Variants in CADM1 observed in about 807,000 individuals in gnomAD.
CADM1 encodes cell adhesion molecule 1, also known as TSLC-1.
In CADM1, 15 loss-of-function variants were observed where a neutral mutation model predicts 53.1. The observed-to-expected ratio is 0.28, with a 90% CI of 0.19 to 0.44. The LOEUF (loss-of-function observed/expected upper bound fraction) is 0.44. Among genes scored for constraint, CADM1 ranks in the 20% least tolerant of loss-of-function variants. The pLI is 1.00. For synonymous variants in CADM1, 281 were observed against 243.0 expected (o/e 1.16, Z -1.45); for missense variants, 434 against 611.3 (o/e 0.71, Z 3.06).
At chr11:115,180,422 G>C (rs1161415092) in intron 10 of CADM1, among the ~76,000 whole-genome samples, 1 of 152,168 alleles carries the variant, frequency 6.6e-6, no homozygotes, top group African/African-American at 2.4e-5. Flanking sequence ...AATTGGAGAA[G>C]GGAGCTGGGT....
At chr11:115,284,114 C>CTCTCTCTCTCTCTCTCTCTCTG (rs1351842329) in intron 1 of CADM1, among the ~76,000 whole-genome samples, 141 of 98,662 alleles carry the variant, frequency 1.4e-3, no homozygotes, top group Middle Eastern at 5.9e-3. Flanking sequence ...CTCTCTCTCT[C>CTCTCTCTCTCTCTCTCTCTCTG]TGTGTGTGTG....
chr11:115,230,517 GAATCTC>G (rs890939431), intron 4 of CADM1, among the ~76,000 whole-genome samples: 3 of 152,172 alleles, frequency 2.0e-5, no homozygotes, highest in African/African-American at 7.2e-5. Context: ...GAAAAGGAAG[GAATCTC>G]AATGCAGAAA....
chr11:115,337,138 A>T (rs1565372656), intron 1 of CADM1, among the ~76,000 whole-genome samples: 2 of 152,174 alleles, frequency 1.3e-5, no homozygotes, highest in Non-Finnish European at 2.9e-5. Context: ...GAGTCCAAAG[A>T]TGAAATTCTT....
At chr11:115,412,949 G>A (rs1217552224) in intron 1 of CADM1, among the ~76,000 whole-genome samples, 2 of 152,114 alleles carry the variant, frequency 1.3e-5, no homozygotes, top group Non-Finnish European at 2.9e-5. Flanking sequence ...CCTAAAACCT[G>A]AAGCAAGTAA....
chr11:115,226,964 A>G (rs1941632789), intron 5 of CADM1, among the ~76,000 whole-genome samples: 2 of 152,222 alleles, frequency 1.3e-5, no homozygotes, highest in South Asian at 4.1e-4. Context: ...TAAGATATCA[A>G]ACCAGATGCG....
intron 9 of CADM1, among the ~76,000 whole-genome samples, chr11:115,195,477 G>C (rs893956783): frequency 1.3e-5 from 2 of 152,100 alleles, no homozygotes; most frequent in Non-Finnish European, 2.9e-5. Flanking sequence ...AAACTTTTAA[G>C]ACCAAATAAG....
chr11:115,293,985 CTT>C (rs1311087722), intron 1 of CADM1, among the ~76,000 whole-genome samples: 1 of 152,130 alleles, frequency 6.6e-6, no homozygotes, highest in Non-Finnish European at 1.5e-5. Flanking sequence ...AACAACATAT[CTT>C]AAGTTATTTC....
chr11:115,250,116 G>T (rs1413256240), intron 1 of CADM1, among the ~76,000 whole-genome samples: 1 of 152,086 alleles, frequency 6.6e-6, no homozygotes, highest in Non-Finnish European at 1.5e-5. Flanking sequence ...TGTTAGCCAG[G>T]ATGGTCTCGA....
chr11:115,283,089 G>A (rs1297845990), intron 1 of CADM1, among the ~76,000 whole-genome samples: 1 of 152,088 alleles, frequency 6.6e-6, no homozygotes, highest in Non-Finnish European at 1.5e-5. Flanking sequence ...TGCATTATGA[G>A]AACAAAACAA....
intron 1 of CADM1, among the ~76,000 whole-genome samples, chr11:115,437,166 T>C (rs982325446): frequency 3.3e-5 from 5 of 152,320 alleles, no homozygotes; most frequent in Middle Eastern, 3.4e-3. Flanking sequence ...CTTAGAGATA[T>C]TTCTACTACA....
chr11:115,177,040 A>G (rs1171448299), intron 11 of CADM1, among the ~76,000 whole-genome samples: 1 of 152,192 alleles, frequency 6.6e-6, no homozygotes, highest in Non-Finnish European at 1.5e-5. Context: ...TTGTCACCTC[A>G]GCTCATTTAT....
At chr11:115,210,900 A>G (rs1397077833) in intron 7 of CADM1, among the ~76,000 whole-genome samples, 1 of 152,216 alleles carries the variant, frequency 6.6e-6, no homozygotes. Flanking sequence ...CTTCTCTCAC[A>G]CAAACACACT....
intron 1 of CADM1, among the ~76,000 whole-genome samples, chr11:115,273,795 TCAA>T (rs1943369747): frequency 6.6e-6 from 1 of 152,184 alleles, no homozygotes. Context: ...TATAAACTCA[TCAA>T]CATTTATCAA....
At chr11:115,384,726 T>A (rs752440853) in intron 1 of CADM1, among the ~76,000 whole-genome samples, 2 of 152,208 alleles carry the variant, frequency 1.3e-5, no homozygotes, top group Non-Finnish European at 2.9e-5. Context: ...TTCTATCAAG[T>A]ATGACTAACA....
In CADM1 at chr11:115,209,573, C is replaced by A; in HGVS notation, c.1078+1G>T. On this transcript the variant is annotated splice_donor_variant, in intron 8 of 11. Coordinates refer to ENST00000331581, the MANE Select transcript of CADM1 (RefSeq NM_001301043.2). LOFTEE classifies it high-confidence loss of function. ...TTTCAATGGTAATGAAGATACCATA[C>A]CTGTGATGATGGTAAGGATGGTGGT... 1 of 1,611,844 alleles carries A rather than the reference C, an allele frequency of 6.2e-7. No individual in the cohort carries two copies. The highest frequency in any genetic ancestry group is 1.1e-5 in the South Asian group (1 of 90,992).
At chr11:115,195,985 T>C (rs1174297235) in intron 9 of CADM1, among the ~76,000 whole-genome samples, 2 of 152,182 alleles carry the variant, frequency 1.3e-5, no homozygotes, top group Admixed American at 6.5e-5. Context: ...CATTAAGAAG[T>C]CAAATTCCAA....
Position 115,460,504 on chromosome 11 carries a change from C to T in CADM1, c.124+43767G>A, listed in dbSNP as rs557784647. Among the ~76,000 whole-genome samples, 43 of 152,306 alleles carry T rather than the reference C, an allele frequency of 2.8e-4. No individual in the cohort carries two copies. In the South Asian group the frequency reaches 8.7e-3, roughly 31 times the overall value. ...CCAAAAACCATGCATTAACCTTTCG[C>T]TACTGGATTTACATAATTTTCTCTG... On this transcript the variant is annotated intron_variant, in intron 1 of 11. Coordinates refer to ENST00000331581, the MANE Select transcript of CADM1 (RefSeq NM_001301043.2).
chr11:115,374,927 T>A (rs1591758995), intron 1 of CADM1, among the ~76,000 whole-genome samples: 1 of 152,188 alleles, frequency 6.6e-6, no homozygotes, highest in Non-Finnish European at 1.5e-5. Flanking sequence ...AAAAGGTTTT[T>A]TTCAAAGTAA....
Position 115,238,546 on chromosome 11 carries a change from G to C in CADM1, c.378C>G (p.Leu126=), listed in dbSNP as rs1465927585. Residue 126 remains leucine, a synonymous_variant, in exon 3 of 12, where the codon CTC becomes CTG. Coordinates refer to ENST00000331581, the MANE Select transcript of CADM1 (RefSeq NM_001301043.2). ...ISDEGRYFCQ[L]YTDPPQESYT... ...AACTTTCCTGTGGGGGATCGGTATA[G>C]AGCTGGCAAAAGTATCTTCCTTCAT... The C allele has an allele frequency of 6.2e-7, 1 of 1,613,938 alleles. No individual in the cohort carries two copies. The highest frequency in any genetic ancestry group is 1.1e-5 in the South Asian group (1 of 91,076).
Sources: gnomAD v4.1 joint callset for allele counts (sites outside exome capture counted in the v4.1 genomes callset) on GRCh38, gnomAD v4.1.1 for gene constraint, MANE v1.5 for transcripts, NCBI Gene and HGNC (gene_info 2026-07-23, HGNC 2026-07-21) for gene names.